Variants in NTMT2 observed in about 807,000 individuals in gnomAD.
NTMT2 encodes N-terminal Xaa-Pro-Lys N-methyltransferase 2.
NTMT2 carries 21 observed loss-of-function variants against 23.4 expected under a neutral mutation model. The ratio of observed to expected loss-of-function variants is 0.90; its 90% confidence interval spans 0.64 to 1.29. The LOEUF (loss-of-function observed/expected upper bound fraction) is 1.29. Ranked by LOEUF, NTMT2 falls within the 50% of genes most tolerant of loss-of-function variation. The pLI is 0.00. For synonymous variants in NTMT2, 131 were observed against 127.7 expected, an observed-to-expected ratio of 1.03 and a Z score of -0.17; for missense variants, 336 against 352.0, an observed-to-expected ratio of 0.95 and a Z score of 0.36.
intron 2 of NTMT2, among the ~76,000 whole-genome samples, chr1:170,162,135 C>T (rs12751063): frequency 0.32 from 49,065 of 151,912 alleles, 8,626 homozygotes; most frequent in African/African-American, 0.45. Flanking sequence ...AGCAAAGCAA[C>T]AACAGAAAAG....
Position 170,160,585 on chromosome 1 carries a change from T to C in NTMT2, c.222T>C (p.Leu74=). ...TGCAGTTCTATGCCAGAGCTAAACTTTTCTACCAAGAAGTACCAGCCACAG... is the reference window on the plus strand; with the variant it reads ...TGCAGTTCTATGCCAGAGCTAAACTCTTCTACCAAGAAGTACCAGCCACAG... The part of the protein sequence containing the change: ...GEMQFYARAK[L]FYQEVPATEE... Residue 74 remains leucine, a synonymous_variant, in exon 2 of 4, where the codon CTT becomes CTC. Coordinates refer to ENST00000439373, the MANE Select transcript of NTMT2 (RefSeq NM_001136107.2). 6.4e-7 allele frequency: 1 copy of C among 1,551,570 alleles called. No homozygotes were observed. The highest frequency in any genetic ancestry group is 8.7e-7 in the Non-Finnish European group (1 of 1,146,954).
chr1:170,159,420 G>GT (rs1673225599), intron 1 of NTMT2, among the ~76,000 whole-genome samples: 2,047 of 88,078 alleles, frequency 0.023, 21 homozygotes, highest in South Asian at 0.047. Context: ...TTTATGCTCT[G>GT]GTTTTTTTTT....
intron 1 of NTMT2, among the ~76,000 whole-genome samples, chr1:170,156,909 A>C (rs926339635): frequency 8.5e-5 from 13 of 152,142 alleles, no homozygotes; most frequent in African/African-American, 3.1e-4. Context: ...AATAGACTGC[A>C]CAAACCAGTT....
chr1:170,166,588 C>T lies in NTMT2; in HGVS notation c.417C>T (p.Phe139=). 3.2e-6 allele frequency: 5 copies of T among 1,552,244 alleles called. No individual in the cohort carries two copies. Among genetic ancestry groups the T allele is most frequent in the Non-Finnish European group, 4.4e-6 (5 of 1,147,110 alleles). ...RVSKHVLLPV[F]NSVELVDMME... ...GCAAACACGTCTTATTGCCTGTTTT[C>T]AACAGTGTGGAGCTGGTGGATATGA... is the stretch of plus-strand genomic sequence containing the variant. The change falls in exon 3 of 4, where the codon TTC becomes TTT. Residue 139 remains phenylalanine (F), a synonymous_variant. Transcript: ENST00000439373.
intron 1 of NTMT2, among the ~76,000 whole-genome samples, chr1:170,150,583 A>G (rs1234092272): frequency 2.0e-5 from 3 of 152,220 alleles, no homozygotes; most frequent in Non-Finnish European, 2.9e-5. Flanking sequence ...AAACCACTAC[A>G]TAATACAATG....
In NTMT2 at chr1:170,168,610, A is replaced by T. The variant is rs1673445478; in HGVS notation, c.*853A>T. On this transcript the variant is annotated 3_prime_UTR_variant, in exon 4 of 4. Coordinates refer to ENST00000439373, the MANE Select transcript of NTMT2 (RefSeq NM_001136107.2). ...GATAACAGAAGTCTGCATTACAGTG[A>T]TGGGAAGTATCTCCTTTCAGGAGAA... Among the ~76,000 whole-genome samples the T allele has an allele frequency of 6.6e-6, 1 of 152,250 alleles. No homozygotes were observed. Among genetic ancestry groups the T allele is most frequent in the Non-Finnish European group, 1.5e-5 (1 of 68,036 alleles).
At chr1:170,161,487 T>C (rs1332929173) in intron 2 of NTMT2, 3 of 152,150 alleles carry the variant, frequency 2.0e-5, no homozygotes, top group Non-Finnish European at 4.4e-5. Flanking sequence ...ACAGACAGTA[T>C]ATTGTAGGGG....
At chr1:170,147,074 C>G (rs1467943206) in intron 1 of NTMT2, among the ~76,000 whole-genome samples, 3 of 152,278 alleles carry the variant, frequency 2.0e-5, no homozygotes, top group African/African-American at 7.2e-5. Context: ...TTCTTAAGGT[C>G]GTTTGAAAGC....
chr1:170,166,625 C>T lies in NTMT2; in HGVS notation c.454C>T (p.Leu152Phe), dbSNP rs1422103534. The T allele has an allele frequency of 3.9e-6, 6 of 1,551,840 alleles. No individual in the cohort carries two copies. Among genetic ancestry groups the T allele is most frequent in the South Asian group, 2.4e-5 (2 of 84,044 alleles). ...VELVDMMESF[L>F]LEAQNYLQVK... is the part of the protein sequence containing the mutation. ...GCTGGTGGATATGATGGAATCCTTT[C>T]TCCTTGAAGCCCAGAACTACCTGCA... Residue 152 changes from leucine to phenylalanine, a missense_variant, in exon 3 of 4, where the codon CTC (leucine) becomes TTC (phenylalanine). Transcript: ENST00000439373.
Position 170,146,159 on chromosome 1 carries a change from G to C in NTMT2, c.52G>C (p.Asp18His), listed in dbSNP as rs138142057. Reference sequence around the variant, plus strand: ...CTTTAGATCCCGCTGGCAGAAGACCGACGATGAACTCTGTAGACATAGCAT... The same window carrying C: ...CTTTAGATCCCGCTGGCAGAAGACCCACGATGAACTCTGTAGACATAGCAT... ...FAFRSRWQKTDDELCRHSMSF... is the reference protein window; with the variant it reads ...FAFRSRWQKTHDELCRHSMSF... Residue 18 changes from aspartate to histidine, a missense_variant, in exon 1 of 4, where the codon GAC becomes CAC. Coordinates refer to ENST00000439373, the MANE Select transcript of NTMT2 (RefSeq NM_001136107.2). The C allele has an allele frequency of 6.0e-4, 932 of 1,551,372 alleles. 6 individuals carry two copies. The Middle Eastern group carries it at 0.016, about 26-fold the overall frequency.
In NTMT2 at chr1:170,167,503, G is replaced by A. The variant is rs1673417318; in HGVS notation, c.598G>A (p.Asp200Asn). 2 of 1,550,518 alleles carry A rather than the reference G, an allele frequency of 1.3e-6. No individual in the cohort carries two copies. Among genetic ancestry groups the A allele is most frequent in the African/African-American group, 2.7e-5 (2 of 73,010 alleles). ...QWVSGHLTDK[D>N]LLAFLSRCRD... is the part of the protein sequence containing the mutation. ...CCTTGTAGGGCACCTGACTGATAAG[G>A]ACCTTCTTGCATTTCTTTCCCGGTG... Residue 200 changes from aspartate (D) to asparagine (N), a missense_variant, in exon 4 of 4, where the codon GAC becomes AAC. Coordinates refer to ENST00000439373, the MANE Select transcript of NTMT2 (RefSeq NM_001136107.2).
At chr1:170,167,132 A>G (rs1425187348) in intron 3 of NTMT2, among the ~76,000 whole-genome samples, 1 of 152,194 alleles carries the variant, frequency 6.6e-6, no homozygotes, top group East Asian at 1.9e-4. Context: ...AGGAAATGAG[A>G]CAGCAGTGAA....
intron 1 of NTMT2, among the ~76,000 whole-genome samples, chr1:170,159,420 GGTT>G (rs386368702): frequency 0.33 from 28,854 of 88,426 alleles, 4,097 homozygotes; most frequent in East Asian, 0.58. Context: ...TTTATGCTCT[GGTT>G]TTTTTTTTTT....
Position 170,166,140 on chromosome 1 carries a change from C to CTTT in NTMT2, c.331-347_331-345dup, listed in dbSNP as rs3040077. The stretch of plus-strand genomic sequence containing the variant: ...AATTTTCTTTCTTTTTTTTTTTTTT[C>CTTT]TTTTTTTTTTTTTTTTTGAGACGGA... On this transcript the variant is annotated intron_variant, in intron 2 of 3. Transcript: ENST00000439373. 5.2e-3 allele frequency among the ~76,000 whole-genome samples: 350 copies of CTTT among 67,800 alleles called. 3 individuals carry two copies. Among genetic ancestry groups the CTTT allele is most frequent in the East Asian group, 0.018 (24 of 1,306 alleles). The allele number at this position is 67,800 out of a possible 152,430, so 44.5% of individuals were successfully genotyped here.
chr1:170,162,980 ATCCCAAAGTATT>A (rs1212737525), intron 2 of NTMT2, among the ~76,000 whole-genome samples: 1 of 151,948 alleles, frequency 6.6e-6, no homozygotes, highest in Admixed American at 6.6e-5. Flanking sequence ...GCCGACTTTG[ATCCCAAAGTATT>A]TCAGAAGCTT....
At chr1:170,156,032 C>T (rs1202918016) in intron 1 of NTMT2, among the ~76,000 whole-genome samples, 1 of 152,062 alleles carries the variant, frequency 6.6e-6, no homozygotes, top group East Asian at 1.9e-4. Flanking sequence ...TTGCTACCTG[C>T]AAAAGAGTTT....
In NTMT2 at chr1:170,167,596, C is replaced by T. The variant is rs774011868; in HGVS notation, c.691C>T (p.Leu231Phe). The T allele has an allele frequency of 6.4e-7, 1 of 1,551,652 alleles. No homozygotes were observed. The highest frequency in any genetic ancestry group is 1.2e-5 in the South Asian group (1 of 84,058). ...CAATGTGGCCCGGGAGGGCTGTATCCTTGATCTCTCTGACAGCAGTGTGAC... is the reference window on the plus strand; with the variant it reads ...CAATGTGGCCCGGGAGGGCTGTATCTTTGATCTCTCTGACAGCAGTGTGAC... ...KDNVAREGCI[L>F]DLSDSSVTRD... The change falls in exon 4 of 4, where the codon CTT (leucine) becomes TTT (phenylalanine). Residue 231 changes from leucine (L) to phenylalanine (F), a missense_variant. Transcript: ENST00000439373.
chr1:170,151,016 T>A (rs1434725373), intron 1 of NTMT2, among the ~76,000 whole-genome samples: 1 of 152,158 alleles, frequency 6.6e-6, no homozygotes, highest in East Asian at 1.9e-4. Flanking sequence ...TCATTAATTA[T>A]ATTATTGAGC....
chr1:170,152,880 A>G (rs1673097641), intron 1 of NTMT2, among the ~76,000 whole-genome samples: 1 of 152,224 alleles, frequency 6.6e-6, no homozygotes, highest in Non-Finnish European at 1.5e-5. Flanking sequence ...TGTCTCATCC[A>G]AATCTCATGT....
Sources: gnomAD v4.1 joint callset for allele counts (sites outside exome capture counted in the v4.1 genomes callset) on GRCh38, gnomAD v4.1.1 for gene constraint, MANE v1.5 for transcripts, NCBI Gene and HGNC (gene_info 2026-07-23, HGNC 2026-07-21) for gene names.